FTCD: variants seen among roughly 807,000 people sequenced by gnomAD.
FTCD encodes formimidoyltransferase cyclodeaminase, also known as formimidoyltransferase-cyclodeaminase.
In FTCD, 76 loss-of-function variants were observed where a neutral mutation model predicts 62.9. That is an observed-to-expected ratio of 1.21 (90% CI 1.00 to 1.46). The LOEUF is 1.46. Among genes scored for constraint, FTCD ranks in the 40% most tolerant of loss-of-function variants. The pLI is 0.00. For missense variants in FTCD, 845 were observed against 751.3 expected, an observed-to-expected ratio of 1.12 and a Z score of -1.46; for synonymous variants, 397 against 336.9, an observed-to-expected ratio of 1.18 and a Z score of -1.95.
At chr21:46,137,564 C>T (rs750075008) in intron 12 of FTCD, among the ~76,000 whole-genome samples, 3 of 152,108 alleles carry the variant, frequency 2.0e-5, no homozygotes, top group Non-Finnish European at 2.9e-5. Flanking sequence ...GGCCTGGGAG[C>T]AGTCACACTG....
At chr21:46,148,021 A>G (rs1601332159) in intron 7 of FTCD, among the ~76,000 whole-genome samples, 1 of 152,060 alleles carries the variant, frequency 6.6e-6, no homozygotes, top group African/African-American at 2.4e-5. Flanking sequence ...AAGACAAGGA[A>G]ATGTGGAGAA....
rs1449884658 is a variant in FTCD, at chr21:46,141,191, G to A, written c.1261-2268C>T. ...GTCGTTCTGTTGCCCAGGCTAGAGTGCAGTGGTGCAATCACGACTCACTGC... is the reference window on the plus strand; with the variant it reads ...GTCGTTCTGTTGCCCAGGCTAGAGTACAGTGGTGCAATCACGACTCACTGC... On this transcript the variant is annotated intron_variant, in intron 10 of 13. Coordinates refer to ENST00000397746, the MANE Select transcript of FTCD (RefSeq NM_206965.2). Among the ~76,000 whole-genome samples, 4 of 152,148 alleles carry A rather than the reference G, an allele frequency of 2.6e-5. No individual in the cohort carries two copies. In the East Asian group the frequency reaches 7.7e-4, roughly 29 times the overall value.
chr21:46,141,928 G>C (rs1016525173), intron 10 of FTCD, among the ~76,000 whole-genome samples: 8 of 152,158 alleles, frequency 5.3e-5, no homozygotes, highest in African/African-American at 1.7e-4. Flanking sequence ...CCCCGGGGAG[G>C]GGGGTGCTTC....
intron 8 of FTCD, 87 bp from the exon 9 acceptor site, chr21:46,146,034 G>C (rs567634162): frequency 9.5e-6 from 8 of 843,672 alleles, no homozygotes; most frequent in Non-Finnish European, 1.4e-5. Flanking sequence ...CCCCACGCCC[G>C]TCTGCACCCA....
intron 8 of FTCD, 29 bp downstream of exon 8, chr21:46,146,237 G>A (rs370540590): frequency 1.3e-6 from 2 of 1,526,524 alleles, no homozygotes; most frequent in African/African-American, 2.7e-5. Context: ...CGGGAGGGGT[G>A]AGAAGAGGGC....
At chr21:46,149,384 T>C (rs778525898) in intron 7 of FTCD, among the ~76,000 whole-genome samples, 14 of 152,124 alleles carry the variant, frequency 9.2e-5, no homozygotes, top group Non-Finnish European at 1.6e-4. Flanking sequence ...AGCGATCTAA[T>C]AGAAGAAAAT....
In FTCD at chr21:46,155,494, G is replaced by A. The variant is rs377001864; in HGVS notation, c.30C>T (p.Asn10=). Residue 10 remains asparagine (N), a synonymous_variant, in exon 1 of 14, where the codon AAC becomes AAT. Coordinates refer to ENST00000397746, the MANE Select transcript of FTCD (RefSeq NM_206965.2). The part of the protein sequence containing the change: MSQLVECVP[N]FSEGKNQEVI... ...CCTCCTGGTTCTTCCCCTCCGAAAA[G>A]TTGGGGACGCATTCCACCAGCTGGG... 6.2e-7 allele frequency: 1 copy of A among 1,612,878 alleles called. No individual in the cohort carries two copies. Among genetic ancestry groups the A allele is most frequent in the Non-Finnish European group, 8.5e-7 (1 of 1,179,912 alleles).
At chr21:46,142,078 C>CT (rs2079022732) in intron 10 of FTCD, 1 of 152,246 alleles carries the variant, frequency 6.6e-6, no homozygotes, top group Non-Finnish European at 1.5e-5. Flanking sequence ...CCCGAAGGGC[C>CT]TATCTACTGT....
chr21:46,150,462 C>T lies in FTCD; in HGVS notation c.700G>A (p.Val234Met), dbSNP rs2123557310. ...TCAAAGTCCAGAAGATTGGTGGACACCTGAGCCAGGTTCTTCTCATCCAGG... is the reference window on the plus strand; with the variant it reads ...TCAAAGTCCAGAAGATTGGTGGACATCTGAGCCAGGTTCTTCTCATCCAGG... ...WYLDEKNLAQ[V>M]STNLLDFEVT... Residue 234 changes from valine (V) to methionine (M), a missense_variant, in exon 6 of 14, where the codon GTG (valine) becomes ATG (methionine). Val to Met is a conservative substitution (Grantham distance 21, BLOSUM62 1). Transcript: ENST00000397746. 3 of 1,612,964 alleles carry T rather than the reference C, an allele frequency of 1.9e-6. No individual in the cohort carries two copies. The highest frequency in any genetic ancestry group is 1.7e-5 in the Admixed American group (1 of 60,030).
At chr21:46,137,360 C>T (rs201425308) in intron 12 of FTCD, 26 bp from the exon 13 acceptor site, 13 of 1,569,740 alleles carry the variant, frequency 8.3e-6, no homozygotes, top group East Asian at 2.2e-5. Flanking sequence ...GGAGCCCCTA[C>T]ATGGATCAAG....
rs750414357 is a variant in FTCD, at chr21:46,138,612, C to A, written c.1339G>T (p.Ala447Ser). The A allele has an allele frequency of 1.3e-6, 2 of 1,592,358 alleles. No individual in the cohort carries two copies. The highest frequency in any genetic ancestry group is 4.5e-5 in the East Asian group (2 of 44,590). ...TAALQEGLRR[A>S]VSVPLTLAET... Reference sequence around the variant, plus strand: ...GCCAGCGTCAGCGGCACAGAGACTGCCCGCCTCAGACCCTCCTGTAGGGCC... The same window carrying A: ...GCCAGCGTCAGCGGCACAGAGACTGACCGCCTCAGACCCTCCTGTAGGGCC... Residue 447 changes from alanine (A) to serine (S), a missense_variant, in exon 12 of 14, where the codon GCA becomes TCA. By Grantham distance (99) the Ala-to-Ser change is moderately conservative. Coordinates refer to ENST00000397746, the MANE Select transcript of FTCD (RefSeq NM_206965.2).
chr21:46,138,502 C>T lies in FTCD; in HGVS notation c.1443+6G>A. On this transcript the variant is annotated splice_donor_region_variant and intron_variant, in intron 12 of 13. Transcript: ENST00000397746. ...AGGAGGCCTGGGGTCCCCCGGGCCC[C>T]CCTACCTGGAGGTCTGACCGGCAGG... 10 of 1,581,650 alleles carry T rather than the reference C, an allele frequency of 6.3e-6. No individual in the cohort carries two copies. The highest frequency in any genetic ancestry group is 8.5e-6 in the Non-Finnish European group (10 of 1,170,984).
chr21:46,137,157 C>A, intron 13 of FTCD, 82 bp downstream of exon 13: 2 of 1,593,702 alleles, frequency 1.3e-6, no homozygotes, highest in Admixed American at 3.3e-5. Flanking sequence ...CCCCACTGCC[C>A]ACAGCCAGTC....
chr21:46,137,249 A>G lies in FTCD; in HGVS notation c.1529T>C (p.Phe510Ser). Reference sequence around the variant, plus strand: ...CTGCCTCCTGCTCACCTGGTCCTTAAATGCCTCGTCTGTGATGTCCCTCAG... The same window carrying G: ...CTGCCTCCTGCTCACCTGGTCCTTAGATGCCTCGTCTGTGATGTCCCTCAG... ...INLRDITDEAFKDQIHHRVSS... is the reference protein window; with the variant it reads ...INLRDITDEASKDQIHHRVSS... Residue 510 changes from phenylalanine (F) to serine (S), a missense_variant, in exon 13 of 14, where the codon TTT becomes TCT. Phe to Ser is a radical substitution (Grantham distance 155, BLOSUM62 -2). Coordinates refer to ENST00000397746, the MANE Select transcript of FTCD (RefSeq NM_206965.2). The G allele has an allele frequency of 2.5e-6, 4 of 1,612,256 alleles. No individual in the cohort carries two copies. The highest frequency in any genetic ancestry group is 3.4e-6 in the Non-Finnish European group (4 of 1,178,516).
At chr21:46,140,214 G>A (rs559989081) in intron 10 of FTCD, among the ~76,000 whole-genome samples, 16 of 148,586 alleles carry the variant, frequency 1.1e-4, no homozygotes, top group East Asian at 8.0e-4. Context: ...AGCACTCCCC[G>A]TCCACCTTCA....
chr21:46,154,040 A>G (rs766234997), intron 2 of FTCD, 109 bp downstream of exon 2: 158 of 1,154,038 alleles, frequency 1.4e-4, no homozygotes, highest in Non-Finnish European at 2.0e-4. Flanking sequence ...ACTGGACCCC[A>G]CGTTCCAAGC....
chr21:46,139,413 C>T (rs1407340913), intron 10 of FTCD, among the ~76,000 whole-genome samples: 3 of 152,242 alleles, frequency 2.0e-5, no homozygotes, highest in Non-Finnish European at 2.9e-5. Flanking sequence ...GTGTAGCTCA[C>T]GGCGTCACCG....
chr21:46,145,308 T>TGGTCCCCAGCCCCTCCC (rs1320812002), intron 10 of FTCD, 109 bp downstream of exon 10: 1 of 916,292 alleles, frequency 1.1e-6, no homozygotes, highest in African/African-American at 1.7e-5. Flanking sequence ...AGGCCCCTCC[T>TGGTCCCCAGCCCCTCCC]GGTCCCCAGC....
At chr21:46,149,645 C>T (rs2079221046) in intron 7 of FTCD, among the ~76,000 whole-genome samples, 2 of 152,222 alleles carry the variant, frequency 1.3e-5, no homozygotes, top group South Asian at 4.1e-4. Flanking sequence ...CCAGCAGGAC[C>T]TGAGGCCCCG....
Sources: gnomAD v4.1 joint callset for allele counts (sites outside exome capture counted in the v4.1 genomes callset) on GRCh38, gnomAD v4.1.1 for gene constraint, MANE v1.5 for transcripts, NCBI Gene and HGNC (gene_info 2026-07-23, HGNC 2026-07-21) for gene names.